Variants in RRAS2 observed in about 807,000 individuals in gnomAD.
RRAS2 encodes the protein ras-related protein R-Ras2.
In RRAS2, 7 loss-of-function variants were observed where a neutral mutation model predicts 27.6. The observed-to-expected ratio is 0.25, with a 90% CI of 0.14 to 0.48. The LOEUF is 0.48. Among genes scored for constraint, RRAS2 ranks in the 20% least tolerant of loss-of-function variants. The probability of loss-of-function intolerance (pLI) is 0.99; values close to 1 mark genes in which losing one functional copy is unlikely to be tolerated. For synonymous variants in RRAS2, 86 were observed against 90.9 expected (o/e 0.95, Z 0.31); for missense variants, 178 against 256.2 (o/e 0.69, Z 2.08).
chr11:14,312,413 T>C (rs1371763440), intron 1 of RRAS2, among the ~76,000 whole-genome samples: 2 of 152,116 alleles, frequency 1.3e-5, no homozygotes, highest in Non-Finnish European at 2.9e-5. Flanking sequence ...CAGGCACTTG[T>C]TTTTTGTTTG....
chr11:14,316,434 C>T (rs544294404), intron 1 of RRAS2, among the ~76,000 whole-genome samples: 3 of 152,172 alleles, frequency 2.0e-5, no homozygotes, highest in Non-Finnish European at 4.4e-5. Flanking sequence ...TTTTACATCT[C>T]CCCCTGCAAA....
intron 1 of RRAS2, among the ~76,000 whole-genome samples, chr11:14,349,494 T>C (rs1436261599): frequency 6.6e-6 from 1 of 152,166 alleles, no homozygotes; most frequent in Non-Finnish European, 1.5e-5. Flanking sequence ...TATGAATTTA[T>C]GCCACTATCT....
chr11:14,339,866 C>G (rs1250911482), intron 1 of RRAS2, among the ~76,000 whole-genome samples: 1 of 151,788 alleles, frequency 6.6e-6, no homozygotes, highest in Non-Finnish European at 1.5e-5. Flanking sequence ...GTAATCCCAC[C>G]ACCTTGGGAG....
At chr11:14,295,689 T>G in intron 2 of RRAS2, 79 bp downstream of exon 2, 1 of 1,106,138 alleles carries the variant, frequency 9.0e-7, no homozygotes, top group South Asian at 1.6e-5. Flanking sequence ...AAATATATTA[T>G]TTAACATAGC....
intron 1 of RRAS2, among the ~76,000 whole-genome samples, chr11:14,333,083 A>C (rs1413944839): frequency 6.6e-6 from 1 of 152,148 alleles, no homozygotes; most frequent in Non-Finnish European, 1.5e-5. Context: ...AAAATAACAC[A>C]AAAAGTATTT....
chr11:14,360,345 G>A (rs1255391370), upstream of RRAS2, among the ~76,000 whole-genome samples: 1 of 151,976 alleles, frequency 6.6e-6, no homozygotes. Flanking sequence ...CTGCGTGAGA[G>A]ACCCCAAGCA....
chr11:14,294,241 A>G (rs1226627887), intron 4 of RRAS2, among the ~76,000 whole-genome samples: 1 of 152,242 alleles, frequency 6.6e-6, no homozygotes, highest in Non-Finnish European at 1.5e-5. Flanking sequence ...AAATTTTATG[A>G]AAAACTATTT....
At chr11:14,343,085 T>G (rs545643941) in intron 1 of RRAS2, among the ~76,000 whole-genome samples, 1 of 152,344 alleles carries the variant, frequency 6.6e-6, no homozygotes, top group East Asian at 1.9e-4. Flanking sequence ...GAGCAACAGC[T>G]GTGCACCATG....
At chr11:14,343,754 T>C (rs1178578359) in intron 1 of RRAS2, among the ~76,000 whole-genome samples, 2 of 151,606 alleles carry the variant, frequency 1.3e-5, no homozygotes, top group African/African-American at 4.9e-5. Context: ...GGATCGCCTC[T>C]ACCCGGCAGA....
intron 5 of RRAS2, 66 bp from the exon 6 acceptor site, chr11:14,279,490 A>G (rs1849461875): frequency 8.6e-7 from 1 of 1,164,112 alleles, no homozygotes; most frequent in African/African-American, 1.5e-5. Flanking sequence ...AACACAGGTT[A>G]TTTTTTGTAC....
At chr11:14,362,100 TTGAG>T (rs1564988763), upstream of RRAS2, among the ~76,000 whole-genome samples, 1 of 152,198 alleles carries the variant, frequency 6.6e-6, no homozygotes, top group African/African-American at 2.4e-5. Context: ...ATAGTAGGTA[TTGAG>T]TTTCTTTTTG....
intron 1 of RRAS2, among the ~76,000 whole-genome samples, chr11:14,352,394 G>A (rs1436865925): frequency 6.6e-6 from 1 of 152,130 alleles, no homozygotes; most frequent in Non-Finnish European, 1.5e-5. Flanking sequence ...TACAATTTAA[G>A]ACAATTTATA....
At chr11:14,304,515 A>G (rs1847790155) in intron 1 of RRAS2, among the ~76,000 whole-genome samples, 1 of 152,262 alleles carries the variant, frequency 6.6e-6, no homozygotes, top group Non-Finnish European at 1.5e-5. Flanking sequence ...AAAAGAAGCT[A>G]AAATGAATTA....
intron 1 of RRAS2, among the ~76,000 whole-genome samples, chr11:14,339,893 G>T (rs1225973387): frequency 6.6e-6 from 1 of 151,504 alleles, no homozygotes; most frequent in Non-Finnish European, 1.5e-5. Context: ...GTGGGCAGAT[G>T]GCTTGAGCTC....
intron 1 of RRAS2, among the ~76,000 whole-genome samples, chr11:14,313,819 CCT>C (rs1554949173): frequency 6.6e-6 from 1 of 152,090 alleles, no homozygotes; most frequent in Non-Finnish European, 1.5e-5. Flanking sequence ...GGAGTTCTGA[CCT>C]ATGAAAAAAT....
chr11:14,319,063 G>T (rs572836527), intron 1 of RRAS2, among the ~76,000 whole-genome samples: 4 of 152,184 alleles, frequency 2.6e-5, no homozygotes, highest in Non-Finnish European at 5.9e-5. Flanking sequence ...AGTAAGCATG[G>T]AGCAGAAATT....
At chr11:14,319,345 C>CCTT (rs1281641281) in intron 1 of RRAS2, among the ~76,000 whole-genome samples, 4 of 91,516 alleles carry the variant, frequency 4.4e-5, no homozygotes. Context: ...TTCCCTCTGT[C>CCTT]TTTTTTTTTT....
At chr11:14,353,316 A>G (rs1291572332) in intron 1 of RRAS2, among the ~76,000 whole-genome samples, 1 of 152,118 alleles carries the variant, frequency 6.6e-6, no homozygotes, top group African/African-American at 2.4e-5. Flanking sequence ...CCTACTCAAC[A>G]AAAGTGCTCC....
At chr11:14,359,220 A>T, upstream of RRAS2, 2 of 179,966 alleles carry the variant, frequency 1.1e-5, no homozygotes, top group Non-Finnish European at 2.0e-5. Context: ...CTGCATATGC[A>T]TGAGGGGGCG....
Sources: gnomAD v4.1 joint callset for allele counts (sites outside exome capture counted in the v4.1 genomes callset) on GRCh38, gnomAD v4.1.1 for gene constraint, MANE v1.5 for transcripts, NCBI Gene and HGNC (gene_info 2026-07-23, HGNC 2026-07-21) for gene names.